Variants in DLGAP4 observed in about 807,000 individuals in gnomAD.
DLGAP4 encodes DLG associated protein 4.
DLGAP4 carries 18 observed loss-of-function variants against 86.9 expected under a neutral mutation model. The observed-to-expected ratio is 0.21, with a 90% CI of 0.14 to 0.31. DLGAP4 has a LOEUF of 0.31. Ranked by LOEUF, DLGAP4 falls within the 10% of genes least tolerant of loss-of-function variation. DLGAP4 has a pLI of 1.00. For synonymous variants in DLGAP4, 548 were observed against 574.3 expected (o/e 0.95, Z 0.65); for missense variants, 1,085 against 1,362.6 (o/e 0.80, Z 3.21).
rs144913161 is a variant in DLGAP4, at chr20:36,498,984, G to C, written c.2011-604G>C. The C allele has an allele frequency of 1.5e-3, 710 of 476,124 alleles. 6 individuals are homozygous for C. Among genetic ancestry groups the C allele is most frequent in the Admixed American group, 0.013 (344 of 26,872 alleles). The allele number at this position is 476,124 out of a possible 1,614,324, so 29.5% of individuals were successfully genotyped here. A position where few individuals can be genotyped will look rare whatever the true frequency, so the allele number is the denominator to read the frequency against. On this transcript the variant is annotated intron_variant, in intron 8 of 12. Transcript: ENST00000339266. Reference sequence around the variant, plus strand: ...GCTAAAGGTAACCTCAGCCAAGTGTGAATAACGTCCAGGGACTTCGGTGGC... The same window carrying C: ...GCTAAAGGTAACCTCAGCCAAGTGTCAATAACGTCCAGGGACTTCGGTGGC...
intron 7 of DLGAP4, among the ~76,000 whole-genome samples, chr20:36,448,767 G>A (rs1242020380): frequency 1.3e-5 from 2 of 152,104 alleles, no homozygotes; most frequent in Non-Finnish European, 2.9e-5. Flanking sequence ...AACCCCATCT[G>A]TACTAAACAT....
chr20:36,392,086 G>A (rs2031802900), intron 2 of DLGAP4, among the ~76,000 whole-genome samples: 1 of 152,180 alleles, frequency 6.6e-6, no homozygotes, highest in South Asian at 2.1e-4. Context: ...AACAGCAGAG[G>A]GTGGTCTGGT....
intron 2 of DLGAP4, among the ~76,000 whole-genome samples, chr20:36,430,663 A>AG (rs1361867438): frequency 1.3e-5 from 2 of 151,228 alleles, no homozygotes; most frequent in East Asian, 3.9e-4. Flanking sequence ...AAAAAAAAAA[A>AG]AAAAAAAAAG....
At chr20:36,382,129 A>C (rs2031415318) in intron 2 of DLGAP4, among the ~76,000 whole-genome samples, 1 of 152,204 alleles carries the variant, frequency 6.6e-6, no homozygotes. Context: ...GAGGTGGAGA[A>C]GCAGCCTGGA....
rs917034788 is a variant in DLGAP4 at position 36,367,227 on chromosome 20, T to G, written c.-121T>G. On this transcript the variant is annotated 5_prime_UTR_variant, in exon 2 of 13. Transcript: ENST00000339266. ...TGCCCGCTCCTGAGCTGACTCCTGCTGGGCCCCGACAGCTTGCCGTGTTTC... is the reference window on the plus strand; with the variant it reads ...TGCCCGCTCCTGAGCTGACTCCTGCGGGGCCCCGACAGCTTGCCGTGTTTC... 4 of 152,960 alleles carry G rather than the reference T, an allele frequency of 2.6e-5. No individual in the cohort carries two copies. Among genetic ancestry groups the G allele is most frequent in the Non-Finnish European group, 5.9e-5 (4 of 68,278 alleles). The allele number at this position is 152,960 out of a possible 1,614,324, so 9.5% of individuals were successfully genotyped here.
rs765355040 is a variant in DLGAP4 at position 36,436,270 on chromosome 20, C to G, written c.1161C>G (p.Pro387=). 1 of 1,605,854 alleles carries G rather than the reference C, an allele frequency of 6.2e-7. No individual in the cohort carries two copies. The highest frequency in any genetic ancestry group is 1.1e-5 in the South Asian group (1 of 90,862). ...DSDESGGSPK[P]SPKTAARRQS... ...ACGAGTCCGGCGGCAGCCCCAAGCC[C>G]TCACCCAAGACCGCGGCGCGGCGCC... The change falls in exon 4 of 13, where the codon CCC becomes CCG. Residue 387 remains proline, a synonymous_variant. Transcript: ENST00000339266.
intron 10 of DLGAP4, chr20:36,512,560 A>T (rs1316622860): frequency 6.6e-6 from 1 of 152,372 alleles, no homozygotes; most frequent in African/African-American, 2.4e-5. Context: ...ATGGGAAGGG[A>T]TACCAAATAA....
At position 36,403,627 on chromosome 20, in the gene DLGAP4, C is replaced by T. The variant is rs112173120; in HGVS notation, c.-72-28019C>T. 6.9e-3 allele frequency among the ~76,000 whole-genome samples: 1,056 copies of T among 152,346 alleles called. 9 individuals carry two copies. Among genetic ancestry groups the T allele is most frequent in the African/African-American group, 0.024 (979 of 41,592 alleles). On this transcript the variant is annotated intron_variant, in intron 2 of 12. Coordinates refer to ENST00000339266, the MANE Select transcript of DLGAP4 (RefSeq NM_001365621.2). The stretch of plus-strand genomic sequence containing the variant: ...TCTGGAAGTATACAAGCAAACTCAA[C>T]GTGTTTCCAGAGGAAATTTGTATTG...
At chr20:36,486,104 TG>T (rs2035399492) in intron 7 of DLGAP4, among the ~76,000 whole-genome samples, 2 of 152,182 alleles carry the variant, frequency 1.3e-5, no homozygotes, top group African/African-American at 4.8e-5. Context: ...TTTACCCAGT[TG>T]TCAAATAGGG....
intron 6 of DLGAP4, among the ~76,000 whole-genome samples, chr20:36,443,062 G>T (rs1248165447): frequency 6.6e-6 from 1 of 152,220 alleles, no homozygotes; most frequent in African/African-American, 2.4e-5. Flanking sequence ...CAGGACTCCT[G>T]CCCTCCTCTC....
At chr20:36,379,067 G>A (rs1208783338) in intron 2 of DLGAP4, among the ~76,000 whole-genome samples, 1 of 152,196 alleles carries the variant, frequency 6.6e-6, no homozygotes, top group Non-Finnish European at 1.5e-5. Flanking sequence ...ATAGCCCCAG[G>A]TGCCAAGAGA....
intron 2 of DLGAP4, among the ~76,000 whole-genome samples, chr20:36,411,639 T>TG (rs2032502524): frequency 6.6e-6 from 1 of 152,200 alleles, no homozygotes; most frequent in African/African-American, 2.4e-5. Context: ...CCATGGCCTT[T>TG]GGGGTCTCCT....
At chr20:36,521,863 TC>T (rs1457772910) in intron 10 of DLGAP4, among the ~76,000 whole-genome samples, 1 of 152,240 alleles carries the variant, frequency 6.6e-6, no homozygotes, top group African/African-American at 2.4e-5. Context: ...CATTTGCTGT[TC>T]CTGTAATATC....
In DLGAP4 at chr20:36,423,975, C is replaced by T. The variant is rs374276838; in HGVS notation, c.-72-7671C>T. 1.1e-4 allele frequency among the ~76,000 whole-genome samples: 17 copies of T among 151,972 alleles called. No individual in the cohort carries two copies. The South Asian group carries it at 2.1e-3, about 19-fold the overall frequency. On this transcript the variant is annotated intron_variant, in intron 2 of 12. Transcript: ENST00000339266. ...ACTCGGTCTAAAAAAAAACCGAAAA[C>T]GGATCATTATCCCCATGTTACAGAA...
intron 1 of DLGAP4, among the ~76,000 whole-genome samples, chr20:36,352,539 C>T (rs912948196): frequency 2.0e-5 from 3 of 151,396 alleles, no homozygotes; most frequent in African/African-American, 4.9e-5. Context: ...GAGTGTGGGG[C>T]GAGAGAGAGG....
At chr20:36,332,644 C>A (rs950006375) in intron 1 of DLGAP4, among the ~76,000 whole-genome samples, 21 of 152,056 alleles carry the variant, frequency 1.4e-4, no homozygotes, top group Admixed American at 6.6e-5. Context: ...CCCGCCTGTG[C>A]CATCTTGGGT....
At chr20:36,417,397 T>C (rs1322157391) in intron 2 of DLGAP4, among the ~76,000 whole-genome samples, 2 of 147,362 alleles carry the variant, frequency 1.4e-5, no homozygotes, top group Non-Finnish European at 3.1e-5. Context: ...TTTTGTTTTT[T>C]CTGAGTTAGG....
chr20:36,333,474 C>T (rs782236375), intron 1 of DLGAP4, among the ~76,000 whole-genome samples: 1 of 152,108 alleles, frequency 6.6e-6, no homozygotes, highest in Non-Finnish European at 1.5e-5. Context: ...ATTCCAATGT[C>T]GCCTCCTCTC....
chr20:36,500,641 A>G lies in DLGAP4; in HGVS notation c.2512+30A>G, dbSNP rs773417352. 22 of 1,429,052 alleles carry G rather than the reference A, an allele frequency of 1.5e-5. No homozygotes were observed. Among genetic ancestry groups the G allele is most frequent in the South Asian group, 3.5e-5 (2 of 57,820 alleles). 88.5% of individuals were successfully genotyped at this position (1,429,052 alleles called of 1,614,324 possible). A position where few individuals can be genotyped will look rare whatever the true frequency, so the allele number is the denominator to read the frequency against. On this transcript the variant is annotated intron_variant, in intron 10 of 12. Transcript: ENST00000339266. This position sits in a 1 kb window ranked among gnomAD's most constrained non-coding sequence, Gnocchi z 4.6. ...GTGCCACATGGATGGTCCTTGGGCA[A>G]GGGTAGAAGGTGTTGGCAGCTGGTT...
Sources: gnomAD v4.1 joint callset for allele counts (sites outside exome capture counted in the v4.1 genomes callset) on GRCh38, gnomAD v4.1.1 for gene constraint, Gnocchi (gnomAD v3.1) non-coding constraint, MANE v1.5 for transcripts, NCBI Gene and HGNC (gene_info 2026-07-23, HGNC 2026-07-21) for gene names.